The following MIGA1 variants were observed in gnomAD, a reference collection of about 807,000 sequenced individuals.
The protein encoded by MIGA1 is family with sequence similarity 73, member A.
Under a neutral mutation model 82.0 loss-of-function variants are expected in MIGA1, and 58 were observed. The ratio of observed to expected loss-of-function variants is 0.71; its 90% CI spans 0.57 to 0.88. MIGA1 has a LOEUF of 0.88. Among genes scored for constraint, MIGA1 ranks in the 40% least tolerant of loss-of-function variants. MIGA1 has a pLI of 0.00. For synonymous variants in MIGA1, 249 were observed against 253.6 expected (o/e 0.98, Z 0.17); for missense variants, 751 against 749.1 (o/e 1.00, Z -0.03).
Position 77,833,802 on chromosome 1 carries a change from T to C in MIGA1, c.896-9505T>C, listed in dbSNP as rs139146228. ...AATCTTAATGACTTCTTGCTCCAGT[T>C]TGGGTTAATCTAGTCACTTCTTTCT... On this transcript the variant is annotated intron_variant, in intron 7 of 15. Coordinates refer to ENST00000370791, the MANE Select transcript of MIGA1 (RefSeq NM_198549.4). Among the ~76,000 whole-genome samples the C allele has an allele frequency of 3.8e-3, 582 of 152,292 alleles. 5 individuals carry two copies. Among genetic ancestry groups the C allele is most frequent in the South Asian group, 0.028 (133 of 4,822 alleles).
chr1:77,856,776 G>T (rs1339913406), intron 8 of MIGA1, among the ~76,000 whole-genome samples: 3 of 151,840 alleles, frequency 2.0e-5, no homozygotes, highest in Non-Finnish European at 4.4e-5. Context: ...TCTTTTCTTG[G>T]TTAATCTTGC....
chr1:77,869,586 A>T (rs1216908127), intron 14 of MIGA1, among the ~76,000 whole-genome samples: 18 of 125,276 alleles, frequency 1.4e-4, no homozygotes, highest in South Asian at 8.1e-4. Flanking sequence ...CCCCCCCACC[A>T]CCCTCCCGGA....
At chr1:77,792,486 T>C (rs1682467854) in intron 2 of MIGA1, among the ~76,000 whole-genome samples, 1 of 152,134 alleles carries the variant, frequency 6.6e-6, no homozygotes, top group Non-Finnish European at 1.5e-5. Flanking sequence ...TCAAAGAAGA[T>C]TTCAAGGCCA....
At chr1:77,869,575 A>AC (rs1285891668) in intron 14 of MIGA1, among the ~76,000 whole-genome samples, 153 of 131,758 alleles carry the variant, frequency 1.2e-3, no homozygotes, top group African/African-American at 3.3e-3. Flanking sequence ...CGGGGGGCTG[A>AC]CCCCCCCACC....
chr1:77,795,321 A>G (rs1682607304), intron 2 of MIGA1, among the ~76,000 whole-genome samples: 1 of 149,190 alleles, frequency 6.7e-6, no homozygotes, highest in Admixed American at 6.7e-5. Flanking sequence ...TTACTTCTAC[A>G]TTTATTATTT....
At chr1:77,805,214 C>T (rs2101763443) in intron 4 of MIGA1, among the ~76,000 whole-genome samples, 1 of 152,050 alleles carries the variant, frequency 6.6e-6, no homozygotes, top group African/African-American at 2.4e-5. Flanking sequence ...CCAGGATGGT[C>T]TTGATCTCCC....
In MIGA1 at chr1:77,873,007, C is replaced by G. The variant is rs776927813; in HGVS notation, c.1567C>G (p.Pro523Ala). Residue 523 changes from proline to alanine, a missense_variant, in exon 15 of 16, where the codon CCA becomes GCA. By Grantham distance (27) the Pro-to-Ala change is conservative (BLOSUM62 -1). Transcript: ENST00000370791. Reference sequence around the variant, plus strand: ...ATTCTCCTTTACTTCCCAGCAGATCCCAGATGGATTTTTTGCCCATTTTTA... The same window carrying G: ...ATTCTCCTTTACTTCCCAGCAGATCGCAGATGGATTTTTTGCCCATTTTTA... 6.2e-7 allele frequency: 1 copy of G among 1,613,880 alleles called. No homozygotes were observed. Among genetic ancestry groups the G allele is most frequent in the Admixed American group, 1.7e-5 (1 of 59,992 alleles).
At chr1:77,864,702 T>C (rs1685597972) in intron 13 of MIGA1, among the ~76,000 whole-genome samples, 1 of 152,138 alleles carries the variant, frequency 6.6e-6, no homozygotes, top group South Asian at 2.1e-4. Context: ...CTGGGTAGAT[T>C]GTTAAGATTT....
At chr1:77,868,497 G>A (rs1266808480) in intron 14 of MIGA1, 1 of 152,236 alleles carries the variant, frequency 6.6e-6, no homozygotes, top group African/African-American at 2.4e-5. Context: ...AAAGTGCTGG[G>A]ATTTCAGGCC....
chr1:77,871,121 G>A (rs929630767), intron 14 of MIGA1, among the ~76,000 whole-genome samples: 1 of 3,862 alleles, frequency 2.6e-4, no homozygotes, highest in African/African-American at 4.1e-4. Flanking sequence ...GAGGGAGAGG[G>A]AGAGGAGGGA....
intron 8 of MIGA1, chr1:77,847,130 A>G: frequency 1.0e-6 from 1 of 994,174 alleles, no homozygotes; most frequent in Non-Finnish European, 1.6e-6. Flanking sequence ...GGCAGGCAGT[A>G]TGGGTTTATT....
chr1:77,779,828 A>G, intron 1 of MIGA1, 92 bp downstream of exon 1: 1 of 1,444,990 alleles, frequency 6.9e-7, no homozygotes, highest in Non-Finnish European at 9.1e-7. Context: ...GCCTCGGGGC[A>G]GGGGTGGCGC....
intron 2 of MIGA1, among the ~76,000 whole-genome samples, chr1:77,794,398 T>G (rs960187835): frequency 1.3e-5 from 2 of 152,214 alleles, no homozygotes; most frequent in Non-Finnish European, 2.9e-5. Flanking sequence ...TCTTTCAGTT[T>G]TCCTTGGTTT....
intron 2 of MIGA1, among the ~76,000 whole-genome samples, chr1:77,788,175 G>A (rs768404343): frequency 3.3e-5 from 5 of 152,100 alleles, no homozygotes; most frequent in South Asian, 4.2e-4. Context: ...GCTAATTTTT[G>A]TATTTTTAAT....
At position 77,801,453 on chromosome 1, in the gene MIGA1, A is replaced by T. The variant is rs759392225; in HGVS notation, c.318A>T (p.Pro106=). The change falls in exon 3 of 16, where the codon CCA becomes CCT. Residue 106 remains proline, a synonymous_variant. Coordinates refer to ENST00000370791, the MANE Select transcript of MIGA1 (RefSeq NM_198549.4). The stretch of plus-strand genomic sequence containing the variant: ...GAAAGAAGAAAGGAAAAATATTACC[A>T]TGGGAACCAGAGCACCTCATACTTG... 10 of 1,607,592 alleles carry T rather than the reference A, an allele frequency of 6.2e-6. No homozygotes were observed. Among genetic ancestry groups the T allele is most frequent in the African/African-American group, 1.3e-5 (1 of 74,676 alleles).
intron 2 of MIGA1, among the ~76,000 whole-genome samples, chr1:77,797,871 A>G (rs1682722603): frequency 6.6e-6 from 1 of 152,194 alleles, no homozygotes; most frequent in African/African-American, 2.4e-5. Flanking sequence ...TTGTAACTTT[A>G]TAGACAGCTG....
At chr1:77,846,743 C>T (rs989654270) in intron 8 of MIGA1, among the ~76,000 whole-genome samples, 2 of 151,860 alleles carry the variant, frequency 1.3e-5, no homozygotes, top group Admixed American at 6.6e-5. Flanking sequence ...GTCAGGAGAT[C>T]GAGACCATCC....
Position 77,879,457 on chromosome 1 carries a change from A to G in MIGA1, c.*4393A>G, listed in dbSNP as rs1646919157. Reference sequence around the variant, plus strand: ...TAAAAGTAAAACACTACAGTAGCAGAAAAAATTGCACTGGCTCTTTAGCCA... The same window carrying G: ...TAAAAGTAAAACACTACAGTAGCAGGAAAAATTGCACTGGCTCTTTAGCCA... On this transcript the variant is annotated 3_prime_UTR_variant, in exon 16 of 16. Transcript: ENST00000370791. The G allele has an allele frequency of 6.6e-6, 1 of 152,216 alleles. No individual in the cohort carries two copies. The highest frequency in any genetic ancestry group is 6.5e-5 in the Admixed American group (1 of 15,276). 9.4% of individuals were successfully genotyped at this position (152,216 alleles called of 1,614,324 possible). A position where few individuals can be genotyped will look rare whatever the true frequency, so the allele number is the denominator to read the frequency against.
At chr1:77,812,545 G>A (rs1476970682) in intron 5 of MIGA1, among the ~76,000 whole-genome samples, 1 of 152,136 alleles carries the variant, frequency 6.6e-6, no homozygotes. Context: ...CTTGAGAGGA[G>A]AGGTATTTTT....
Sources: allele counts gnomAD v4.1 joint callset (sites outside exome capture counted in the v4.1 genomes callset), GRCh38; gene constraint gnomAD v4.1.1; transcripts MANE v1.5; gene names NCBI Gene and HGNC (gene_info 2026-07-23, HGNC 2026-07-21).